Variants in GPR39 observed in about 807,000 individuals in gnomAD.
GPR39 encodes zinc sensing receptor.
Under a neutral mutation model 18.4 loss-of-function variants are expected in GPR39, and 23 were observed. That is an observed-to-expected ratio of 1.25 (90% CI 0.90 to 1.77). The LOEUF (loss-of-function observed/expected upper bound fraction) is 1.77, where lower values mean the gene tolerates loss of function less well. GPR39 is among the 40% of genes most tolerant of loss of function. GPR39 has a pLI of 0.00. For synonymous variants in GPR39, 280 were observed against 257.9 expected (o/e 1.09, Z -0.82); for missense variants, 647 against 602.4 (o/e 1.07, Z -0.78).
At chr2:132,572,089 A>T (rs1261560543) in intron 1 of GPR39, among the ~76,000 whole-genome samples, 1 of 152,128 alleles carries the variant, frequency 6.6e-6, no homozygotes, top group Admixed American at 6.5e-5. Flanking sequence ...AGCCAGGAGA[A>T]CTTGGCCCAC....
intron 1 of GPR39, among the ~76,000 whole-genome samples, chr2:132,626,712 T>C (rs1210790357): frequency 1.3e-5 from 2 of 152,148 alleles, no homozygotes; most frequent in Non-Finnish European, 2.9e-5. Context: ...GGCCTCCAGG[T>C]TATCCCTGAG....
intron 1 of GPR39, among the ~76,000 whole-genome samples, chr2:132,536,995 A>C (rs540269224): frequency 6.6e-6 from 1 of 152,318 alleles, no homozygotes; most frequent in East Asian, 1.9e-4. Context: ...TGAATAGTGC[A>C]CACCCGTGGG....
At chr2:132,583,477 G>A (rs1327127240) in intron 1 of GPR39, among the ~76,000 whole-genome samples, 1 of 152,044 alleles carries the variant, frequency 6.6e-6, no homozygotes, top group East Asian at 1.9e-4. Flanking sequence ...TGAGGTTAAT[G>A]TCTTTAGGGT....
intron 1 of GPR39, among the ~76,000 whole-genome samples, chr2:132,584,874 T>C (rs542163322): frequency 6.3e-4 from 96 of 152,278 alleles, no homozygotes; most frequent in African/African-American, 2.3e-3. Flanking sequence ...AAATCTTGTT[T>C]ATGGACTTTT....
chr2:132,442,701 C>T (rs1205578861), intron 1 of GPR39, among the ~76,000 whole-genome samples: 2 of 152,206 alleles, frequency 1.3e-5, no homozygotes, highest in Non-Finnish European at 2.9e-5. Flanking sequence ...ATCAGCGATG[C>T]AATAGATTCA....
At chr2:132,450,796 G>A (rs1388433463) in intron 1 of GPR39, among the ~76,000 whole-genome samples, 2 of 152,142 alleles carry the variant, frequency 1.3e-5, no homozygotes, top group Non-Finnish European at 2.9e-5. Flanking sequence ...CCTTTGAATC[G>A]GTGTCTCCAA....
chr2:132,627,926 A>C (rs1047950043), intron 1 of GPR39, among the ~76,000 whole-genome samples: 3 of 152,170 alleles, frequency 2.0e-5, no homozygotes, highest in African/African-American at 7.2e-5. Context: ...GACTGTGGCC[A>C]GTCTGTGATT....
intron 1 of GPR39, among the ~76,000 whole-genome samples, chr2:132,589,217 C>A (rs938425085): frequency 2.0e-5 from 3 of 152,122 alleles, no homozygotes; most frequent in East Asian, 1.9e-4. Flanking sequence ...CCATGTCCCC[C>A]CCTCCCCATT....
intron 1 of GPR39, among the ~76,000 whole-genome samples, chr2:132,434,523 T>C (rs62167387): frequency 0.21 from 32,594 of 152,022 alleles, 3,667 homozygotes; most frequent in African/African-American, 0.26. Flanking sequence ...ACTGAAGGTG[T>C]TGAAGTGGTC....
intron 1 of GPR39, among the ~76,000 whole-genome samples, chr2:132,526,356 A>G (rs1679508636): frequency 6.6e-6 from 1 of 152,180 alleles, no homozygotes; most frequent in Non-Finnish European, 1.5e-5. Flanking sequence ...CTTCCAGTCA[A>G]TCCTGCCTCC....
chr2:132,539,597 C>T (rs750683184), intron 1 of GPR39, among the ~76,000 whole-genome samples: 1 of 152,160 alleles, frequency 6.6e-6, no homozygotes, highest in Non-Finnish European at 1.5e-5. Flanking sequence ...TACCTCCTAT[C>T]CCAAGTAGTA....
At chr2:132,643,353 C>G (rs979092011) in intron 1 of GPR39, among the ~76,000 whole-genome samples, 1 of 152,132 alleles carries the variant, frequency 6.6e-6, no homozygotes, top group Non-Finnish European at 1.5e-5. Flanking sequence ...TGGAAATTAA[C>G]AAAGGAGAAG....
chr2:132,641,650 T>C (rs1050072124), intron 1 of GPR39, among the ~76,000 whole-genome samples: 4 of 152,244 alleles, frequency 2.6e-5, no homozygotes, highest in African/African-American at 9.6e-5. Context: ...TGAAATTACA[T>C]GTGAAATAAT....
At chr2:132,626,193 G>A (rs1267057834) in intron 1 of GPR39, among the ~76,000 whole-genome samples, 1 of 152,062 alleles carries the variant, frequency 6.6e-6, no homozygotes, top group Admixed American at 6.6e-5. Flanking sequence ...GCTGGGACTA[G>A]AATCCAAGGC....
At chr2:132,566,847 C>T (rs920165801) in intron 1 of GPR39, among the ~76,000 whole-genome samples, 1 of 152,204 alleles carries the variant, frequency 6.6e-6, no homozygotes. Flanking sequence ...TTTTCCTTCC[C>T]GTGAACATTT....
At chr2:132,436,448 C>G (rs1469853475) in intron 1 of GPR39, among the ~76,000 whole-genome samples, 2 of 152,030 alleles carry the variant, frequency 1.3e-5, no homozygotes, top group East Asian at 1.9e-4. Flanking sequence ...ACCAATTGTC[C>G]CCAGAATTCA....
chr2:132,478,822 G>A (rs1441668668), intron 1 of GPR39, among the ~76,000 whole-genome samples: 1 of 152,130 alleles, frequency 6.6e-6, no homozygotes, highest in Non-Finnish European at 1.5e-5. Flanking sequence ...GCTGCACATG[G>A]TTAATATTTG....
chr2:132,499,879 A>ATCT (rs1678979873), intron 1 of GPR39, among the ~76,000 whole-genome samples: 1 of 152,048 alleles, frequency 6.6e-6, no homozygotes, highest in Non-Finnish European at 1.5e-5. Flanking sequence ...TTTGATTCTC[A>ATCT]TCTTGGTCAC....
chr2:132,596,738 T>A (rs1245921223), intron 1 of GPR39, among the ~76,000 whole-genome samples: 5 of 152,212 alleles, frequency 3.3e-5, no homozygotes, highest in African/African-American at 1.2e-4. Context: ...GAACATTATA[T>A]CACCCGAGAA....
Sources: allele counts gnomAD v4.1 joint callset (sites outside exome capture counted in the v4.1 genomes callset), GRCh38; gene constraint gnomAD v4.1.1; transcripts MANE v1.5; gene names NCBI Gene and HGNC (gene_info 2026-07-23, HGNC 2026-07-21).